HDAC11: variants seen among roughly 807,000 people sequenced by gnomAD.
HDAC11 encodes histone deacetylase 11.
Under a neutral mutation model 41.1 loss-of-function variants are expected in HDAC11, and 23 were observed. The observed-to-expected ratio is 0.56, with a 90% confidence interval of 0.40 to 0.79. The LOEUF is 0.79. HDAC11 is among the 30% of genes least tolerant of loss of function. The pLI is 0.00. For synonymous variants in HDAC11, 187 were observed against 186.6 expected, an observed-to-expected ratio of 1.00 and a Z score of -0.02; for missense variants, 402 against 477.3, an observed-to-expected ratio of 0.84 and a Z score of 1.47.
intron 3 of HDAC11, among the ~76,000 whole-genome samples, chr3:13,495,445 C>T (rs1225439094): frequency 6.6e-6 from 1 of 152,180 alleles, no homozygotes; most frequent in Non-Finnish European, 1.5e-5. Flanking sequence ...CCATTACCCT[C>T]ACAGGCCCCA....
intron 2 of HDAC11, among the ~76,000 whole-genome samples, chr3:13,483,030 C>T (rs914610300): frequency 3.4e-5 from 5 of 148,378 alleles, no homozygotes; most frequent in South Asian, 2.1e-4. Context: ...GGATTACAGG[C>T]GTGAACCACC....
At chr3:13,493,980 G>A (rs560936833) in intron 3 of HDAC11, among the ~76,000 whole-genome samples, 1 of 152,196 alleles carries the variant, frequency 6.6e-6, no homozygotes, top group Non-Finnish European at 1.5e-5. Flanking sequence ...TCTGACATCT[G>A]GGGGGAGCAA....
intron 3 of HDAC11, among the ~76,000 whole-genome samples, chr3:13,487,660 A>C (rs1006150296): frequency 6.6e-5 from 10 of 152,054 alleles, no homozygotes; most frequent in Admixed American, 5.9e-4. Context: ...GCTGGGCAGC[A>C]TCTGACATCC....
intron 5 of HDAC11, among the ~76,000 whole-genome samples, chr3:13,499,967 G>T (rs1304271088): frequency 6.6e-6 from 1 of 152,152 alleles, no homozygotes; most frequent in Non-Finnish European, 1.5e-5. Context: ...GTAAAATGGG[G>T]ATGGTGATGC....
chr3:13,499,187 G>A (rs960712083), intron 5 of HDAC11, among the ~76,000 whole-genome samples: 3 of 151,740 alleles, frequency 2.0e-5, no homozygotes, highest in South Asian at 4.2e-4. Flanking sequence ...TTTCTTTTTC[G>A]AGACGTAGTT....
intron 5 of HDAC11, among the ~76,000 whole-genome samples, chr3:13,500,156 T>C (rs1702286276): frequency 1.3e-5 from 2 of 152,032 alleles, no homozygotes; most frequent in African/African-American, 2.4e-5. Context: ...GTTGTTGGGC[T>C]CAATTTCAGA....
intron 8 of HDAC11, 129 bp from the exon 9 acceptor site, chr3:13,503,965 G>T: frequency 1.2e-6 from 1 of 800,444 alleles, no homozygotes; most frequent in Non-Finnish European, 2.0e-6. Context: ...CCTTAGTTTT[G>T]GGTGGAATGA....
chr3:13,483,092 C>T lies in HDAC11; in HGVS notation c.152-372C>T, dbSNP rs550297668. Among the ~76,000 whole-genome samples, 196 of 146,790 alleles carry T rather than the reference C, an allele frequency of 1.3e-3. 1 individual carries two copies. The highest frequency in any genetic ancestry group is 7.1e-3 in the Middle Eastern group (2 of 280). ...AAATGAATTAAAAAAAAAAAAAGGG[C>T]GGGGGGAAGGTGGAGGGGGAATTCC... is the stretch of plus-strand genomic sequence containing the variant. On this transcript the variant is annotated intron_variant, in intron 2 of 9. Coordinates refer to ENST00000295757, the MANE Select transcript of HDAC11 (RefSeq NM_024827.4).
At chr3:13,492,972 T>C (rs1574900850) in intron 3 of HDAC11, among the ~76,000 whole-genome samples, 1 of 152,180 alleles carries the variant, frequency 6.6e-6, no homozygotes, top group East Asian at 1.9e-4. Flanking sequence ...TAAATTCACA[T>C]AGCCAGTGGC....
intron 4 of HDAC11, 28 bp downstream of exon 4, chr3:13,496,880 G>A: frequency 1.5e-6 from 2 of 1,372,734 alleles, no homozygotes; most frequent in African/African-American, 1.5e-5. Context: ...GCATGGCTGG[G>A]CTGGGGGCCC....
Position 13,480,344 on chromosome 3 carries a change from C to G in HDAC11, c.-4C>G, listed in dbSNP as rs1015262314. 7.4e-6 allele frequency: 9 copies of G among 1,219,168 alleles called. No individual in the cohort carries two copies. The Admixed American group carries it at 1.3e-4, about 18-fold the overall frequency. The allele number at this position is 1,219,168 out of a possible 1,614,324, so 75.5% of individuals were successfully genotyped here. ...CGGCCAGCTTTGGGAGGGCCGGCCC[C>G]GGGATGTGAGTGCCGCGGGGCGAGG... On this transcript the variant is annotated 5_prime_UTR_variant, in exon 1 of 10. Transcript: ENST00000295757. The surrounding 1 kb of genome is among the most constrained non-coding windows in gnomAD (Gnocchi z 4.6).
At chr3:13,481,112 A>G (rs1252435088) in intron 1 of HDAC11, 134 bp from the exon 2 acceptor site, 8 of 913,804 alleles carry the variant, frequency 8.8e-6, no homozygotes, top group Non-Finnish European at 1.3e-5. Context: ...GCTGTTGTTG[A>G]GGGGCCCTTG....
At chr3:13,495,728 C>G (rs954212270) in intron 3 of HDAC11, among the ~76,000 whole-genome samples, 6 of 152,194 alleles carry the variant, frequency 3.9e-5, no homozygotes, top group African/African-American at 9.7e-5. Flanking sequence ...TCCAGCTGCA[C>G]CCACCTTCTC....
intron 8 of HDAC11, chr3:13,503,226 A>G: frequency 3.0e-6 from 1 of 328,360 alleles, no homozygotes. Context: ...AGAATGAAAG[A>G]AAAAAAAGAA....
intron 3 of HDAC11, chr3:13,496,508 TA>T (rs1702100773): frequency 4.6e-6 from 2 of 434,078 alleles, no homozygotes; most frequent in Admixed American, 9.3e-5. Flanking sequence ...CAACTAGCTT[TA>T]AGAAATGCAT....
Position 13,506,134 on chromosome 3 carries a change from C to G in HDAC11, c.*1451C>G, listed in dbSNP as rs943910598. The G allele has an allele frequency of 6.6e-6, 1 of 152,230 alleles. No individual in the cohort carries two copies. The highest frequency in any genetic ancestry group is 1.5e-5 in the Non-Finnish European group (1 of 68,060). 9.4% of individuals were successfully genotyped at this position (152,230 alleles called of 1,614,324 possible). A position where few individuals can be genotyped will look rare whatever the true frequency, so the allele number is the denominator to read the frequency against. Reference sequence around the variant, plus strand: ...AGGCTCTAACAATGCACTCTGAGATCCCTACCCTTGCCGTTGGTCTCTGTC... The same window carrying G: ...AGGCTCTAACAATGCACTCTGAGATGCCTACCCTTGCCGTTGGTCTCTGTC... On this transcript the variant is annotated 3_prime_UTR_variant, in exon 10 of 10. Coordinates refer to ENST00000295757, the MANE Select transcript of HDAC11 (RefSeq NM_024827.4).
In HDAC11 at chr3:13,502,558, T is replaced by G. The variant is rs1386585842; in HGVS notation, c.553-326T>G. 2 of 265,656 alleles carry G rather than the reference T, an allele frequency of 7.5e-6. No homozygotes were observed. The highest frequency in any genetic ancestry group is 2.2e-5 in the African/African-American group (1 of 45,442). The allele number at this position is 265,656 out of a possible 1,614,324, so 16.5% of individuals were successfully genotyped here. On this transcript the variant is annotated intron_variant, in intron 7 of 9. Transcript: ENST00000295757. The surrounding 1 kb of genome is among the most constrained non-coding windows in gnomAD (Gnocchi z 4.1). ...CCGAACTCCTGAGCCAGGTCACATG[T>G]GGACAGTCCTTTACAGTTTGCTTTT... is the stretch of plus-strand genomic sequence containing the variant.
chr3:13,501,129 T>C (rs1290647920), intron 6 of HDAC11, among the ~76,000 whole-genome samples: 1 of 152,178 alleles, frequency 6.6e-6, no homozygotes, highest in African/African-American at 2.4e-5. Context: ...GTGGAAAGAA[T>C]GATGGTGCTG....
intron 3 of HDAC11, among the ~76,000 whole-genome samples, chr3:13,496,091 G>A (rs570177895): frequency 3.9e-5 from 6 of 152,310 alleles, no homozygotes; most frequent in African/African-American, 1.4e-4. Flanking sequence ...CCAGTGCCAT[G>A]GATATTTACC....
Sources: allele counts gnomAD v4.1 joint callset (sites outside exome capture counted in the v4.1 genomes callset), GRCh38; gene constraint gnomAD v4.1.1; non-coding constraint Gnocchi (gnomAD v3.1); transcripts MANE v1.5; gene names NCBI Gene and HGNC (gene_info 2026-07-23, HGNC 2026-07-21).